CHORDC1: variants seen among roughly 807,000 people sequenced by gnomAD.
CHORDC1 encodes the protein cysteine and histidine rich domain containing 1.
In CHORDC1, 25 loss-of-function variants were observed where a neutral mutation model predicts 48.3. The ratio of observed to expected loss-of-function variants is 0.52; its 90% CI spans 0.38 to 0.72. The LOEUF (loss-of-function observed/expected upper bound fraction) is 0.72, where lower values mean the gene tolerates loss of function less well. CHORDC1 is among the 30% of genes least tolerant of loss of function. The pLI is 0.00. For missense variants in CHORDC1, 317 were observed against 388.7 expected (o/e 0.82, Z 1.55); for synonymous variants, 128 against 126.4 (o/e 1.01, Z -0.09).
At chr11:90,220,325 C>T (rs12793836) in intron 1 of CHORDC1, among the ~76,000 whole-genome samples, 21,067 of 152,120 alleles carry the variant, frequency 0.14, 1,809 homozygotes, top group Middle Eastern at 0.22. Flanking sequence ...TGTTAGGTAT[C>T]TTCCTGATAC....
chr11:90,207,082 C>T (rs768380562), intron 6 of CHORDC1: 1 of 214,868 alleles, frequency 4.7e-6, no homozygotes, highest in Non-Finnish European at 9.5e-6. Context: ...ACCGTACAGA[C>T]TCAGTTTCTC....
intron 4 of CHORDC1, 67 bp from the exon 5 acceptor site, chr11:90,211,385 A>G (rs773819599): frequency 3.9e-6 from 4 of 1,019,470 alleles, no homozygotes; most frequent in East Asian, 2.4e-5. Flanking sequence ...CTCCAAATTA[A>G]TAACCTTAAA....
At chr11:90,222,082 G>C (rs920116188) in intron 1 of CHORDC1, among the ~76,000 whole-genome samples, 1 of 152,182 alleles carries the variant, frequency 6.6e-6, no homozygotes, top group Non-Finnish European at 1.5e-5. Context: ...CTCACGATAC[G>C]CAAGGAATCA....
intron 1 of CHORDC1, chr11:90,222,597 C>G (rs745911388): frequency 6.3e-6 from 4 of 630,808 alleles, no homozygotes; most frequent in Non-Finnish European, 5.9e-6. Flanking sequence ...AAATTCCAGG[C>G]GACTTAAAAG....
chr11:90,214,375 T>C (rs1012978543), intron 3 of CHORDC1, among the ~76,000 whole-genome samples, 200 bp from the exon 4 acceptor site: 3 of 152,164 alleles, frequency 2.0e-5, no homozygotes. Flanking sequence ...TTAAAAAGTC[T>C]TTGAATTACA....
chr11:90,213,213 T>C, intron 4 of CHORDC1: 1 of 477,526 alleles, frequency 2.1e-6, no homozygotes. Flanking sequence ...TTAGGGTTCT[T>C]ATCTTGGTTC....
chr11:90,203,992 T>A (rs1857605005), intron 8 of CHORDC1, among the ~76,000 whole-genome samples: 1 of 152,176 alleles, frequency 6.6e-6, no homozygotes, highest in Non-Finnish European at 1.5e-5. Flanking sequence ...TATACTATAC[T>A]GCCCTACCAG....
rs1186664887 is a variant in CHORDC1, at chr11:90,200,722, A to G, written c.*1683T>C. Among the ~76,000 whole-genome samples the G allele has an allele frequency of 6.6e-6, 1 of 152,088 alleles. No homozygotes were observed. The highest frequency in any genetic ancestry group is 6.5e-5 in the Admixed American group (1 of 15,268). ...GAGGTTACAATAACTCACTGCTTCAAATAATATTTCAATTACATGTAACAG... is the reference window on the plus strand; with the variant it reads ...GAGGTTACAATAACTCACTGCTTCAGATAATATTTCAATTACATGTAACAG... On this transcript the variant is annotated 3_prime_UTR_variant, in exon 11 of 11. Transcript: ENST00000320585.
At chr11:90,214,256 A>T in intron 3 of CHORDC1, 81 bp from the exon 4 acceptor site, 1 of 1,043,666 alleles carries the variant, frequency 9.6e-7, no homozygotes, top group Middle Eastern at 2.3e-4. Context: ...TTCTTTATTG[A>T]TAGTGATTCT....
intron 7 of CHORDC1, chr11:90,205,852 T>C (rs912905166): frequency 2.2e-6 from 1 of 450,100 alleles, no homozygotes; most frequent in Admixed American, 4.1e-5. Flanking sequence ...TGGGATAATG[T>C]TGTCTTAGTG....
At chr11:90,220,559 A>G (rs1223946430) in intron 1 of CHORDC1, among the ~76,000 whole-genome samples, 2 of 152,218 alleles carry the variant, frequency 1.3e-5, no homozygotes, top group Non-Finnish European at 2.9e-5. Flanking sequence ...AAATGTCACA[A>G]TAAGTCAATT....
intron 6 of CHORDC1, chr11:90,209,372 G>C (rs557033927): frequency 3.0e-4 from 46 of 152,230 alleles, no homozygotes; most frequent in Admixed American, 2.5e-3. Context: ...GTTATAGCCT[G>C]ATAATACCAT....
At chr11:90,204,194 CT>C (rs1857610288) in intron 8 of CHORDC1, among the ~76,000 whole-genome samples, 2 of 151,994 alleles carry the variant, frequency 1.3e-5, no homozygotes, top group South Asian at 4.1e-4. Context: ...ATACTTAATA[CT>C]TGATAACTGC....
chr11:90,211,483 T>C (rs964514681), intron 4 of CHORDC1, 165 bp from the exon 5 acceptor site: 1 of 538,880 alleles, frequency 1.9e-6, no homozygotes. Flanking sequence ...TTACAATGTA[T>C]CTACATTCTG....
In CHORDC1 at chr11:90,222,948, A is replaced by T. The variant is rs577215214; in HGVS notation, c.7T>A (p.Leu3Met). The T allele has an allele frequency of 2.9e-5, 47 of 1,613,968 alleles. 1 individual carries two copies. The South Asian group carries it at 3.6e-4, about 12-fold the overall frequency. ...CCGCAGCCCCGGTTGTAGCACAGCA[A>T]GGCCATTTTCTTTTCCCACCGTCAC... MALLCYNRGCGQR... is the reference protein window; with the variant it reads MAMLCYNRGCGQR... The change falls in exon 1 of 11, where the codon TTG becomes ATG. Residue 3 changes from leucine to methionine, a missense_variant. Leu to Met is a conservative substitution (Grantham distance 15). Coordinates refer to ENST00000320585, the MANE Select transcript of CHORDC1 (RefSeq NM_012124.3).
intron 2 of CHORDC1, among the ~76,000 whole-genome samples, 154 bp from the exon 3 acceptor site, chr11:90,215,384 T>C (rs1278165745): frequency 6.6e-6 from 1 of 151,992 alleles, no homozygotes; most frequent in African/African-American, 2.4e-5. Flanking sequence ...CCTAATCAAG[T>C]AAAATGAATA....
chr11:90,208,183 G>A (rs1227083692), intron 6 of CHORDC1: 1 of 152,228 alleles, frequency 6.6e-6, no homozygotes, highest in Non-Finnish European at 1.5e-5. Context: ...TGTAATTCCA[G>A]CACTTTGGGA....
In CHORDC1 at chr11:90,202,904, C is replaced by T. The variant is rs531469298; in HGVS notation, c.790-29G>A. 20 of 1,555,068 alleles carry T rather than the reference C, an allele frequency of 1.3e-5. No individual in the cohort carries two copies. The South Asian group carries it at 2.1e-4, about 16-fold the overall frequency. On this transcript the variant is annotated intron_variant, in intron 9 of 10. Coordinates refer to ENST00000320585, the MANE Select transcript of CHORDC1 (RefSeq NM_012124.3). ...AAAAAGATATACACAGTTAATTGAT[C>T]TAATTCAAACTGAAGATTTATGCTA...
At chr11:90,205,724 C>G in intron 7 of CHORDC1, 159 bp from the exon 8 acceptor site, 1 of 584,178 alleles carries the variant, frequency 1.7e-6, no homozygotes, top group Non-Finnish European at 3.0e-6. Context: ...TACAGTATAT[C>G]AGGAAGAATG....
Sources: gnomAD v4.1 joint callset for allele counts (sites outside exome capture counted in the v4.1 genomes callset) on GRCh38, gnomAD v4.1.1 for gene constraint, MANE v1.5 for transcripts, NCBI Gene and HGNC (gene_info 2026-07-23, HGNC 2026-07-21) for gene names.